GMPR: variants seen among roughly 807,000 people sequenced by gnomAD.
The protein encoded by GMPR is guanosine monophosphate reductase.
A neutral mutation model predicts 38.4 loss-of-function variants in GMPR; 31 were observed. The ratio of observed to expected loss-of-function variants is 0.81; its 90% confidence interval spans 0.61 to 1.09. The LOEUF (loss-of-function observed/expected upper bound fraction) is 1.09, where lower values mean the gene tolerates loss of function less well. Ranked by LOEUF, GMPR falls within the 50% of genes least tolerant of loss-of-function variation. The pLI is 0.00. For missense variants in GMPR, 468 were observed against 453.7 expected, an observed-to-expected ratio of 1.03 and a Z score of -0.29; for synonymous variants, 162 against 173.3, an observed-to-expected ratio of 0.93 and a Z score of 0.51.
At chr6:16,249,006 G>T (rs1758812131) in intron 2 of GMPR, among the ~76,000 whole-genome samples, 1 of 152,118 alleles carries the variant, frequency 6.6e-6, no homozygotes, top group Non-Finnish European at 1.5e-5. Context: ...TAAAGTCATA[G>T]AAGTTTAGAA....
At chr6:16,278,217 G>T (rs1018091547) in intron 5 of GMPR, among the ~76,000 whole-genome samples, 3 of 152,128 alleles carry the variant, frequency 2.0e-5, no homozygotes, top group Non-Finnish European at 2.9e-5. Flanking sequence ...GGAGGGTGTC[G>T]TGCTGCAGGC....
chr6:16,288,188 C>T (rs1759728252), intron 7 of GMPR, among the ~76,000 whole-genome samples: 1 of 152,282 alleles, frequency 6.6e-6, no homozygotes, highest in Non-Finnish European at 1.5e-5. Context: ...TCTCTGCACT[C>T]TGGGAGCCCC....
At chr6:16,289,199 C>A (rs1195144862) in intron 7 of GMPR, among the ~76,000 whole-genome samples, 1 of 152,170 alleles carries the variant, frequency 6.6e-6, no homozygotes, top group Non-Finnish European at 1.5e-5. Flanking sequence ...CAGACCCCAA[C>A]CCCACCAGAA....
At chr6:16,238,937 G>A (rs565232840) in intron 1 of GMPR, among the ~76,000 whole-genome samples, 157 bp downstream of exon 1, 50 of 152,274 alleles carry the variant, frequency 3.3e-4, no homozygotes, top group African/African-American at 1.2e-3. Context: ...CACCTGCCAG[G>A]ACGTGAGGTG....
intron 4 of GMPR, among the ~76,000 whole-genome samples, chr6:16,269,460 T>C (rs1759338986): frequency 6.6e-6 from 1 of 152,172 alleles, no homozygotes; most frequent in Non-Finnish European, 1.5e-5. Context: ...CTGTTCAGGC[T>C]GCAATAACAA....
intron 1 of GMPR, among the ~76,000 whole-genome samples, chr6:16,245,612 AT>A (rs1427679785): frequency 1.3e-5 from 2 of 152,208 alleles, no homozygotes; most frequent in African/African-American, 2.4e-5. Context: ...GTTTGTGTCT[AT>A]CGGAGTCCAG....
At chr6:16,246,713 AC>A (rs1758762872) in intron 1 of GMPR, 128 bp from the exon 2 acceptor site, 3 of 831,574 alleles carry the variant, frequency 3.6e-6, no homozygotes, top group African/African-American at 3.4e-5. Flanking sequence ...CCTGTCTTTG[AC>A]CCCTAAGAGA....
At chr6:16,243,780 T>C (rs1409973227) in intron 1 of GMPR, among the ~76,000 whole-genome samples, 1 of 152,178 alleles carries the variant, frequency 6.6e-6, no homozygotes, top group Non-Finnish European at 1.5e-5. Flanking sequence ...ACGCTCCAAG[T>C]ACTCAGGATC....
chr6:16,264,382 C>T (rs1021035624), intron 4 of GMPR: 11 of 251,680 alleles, frequency 4.4e-5, no homozygotes, highest in East Asian at 1.6e-4. Context: ...CTGGTCGGTC[C>T]GAGGACCTGA....
chr6:16,275,437 A>G (rs1038840339), intron 5 of GMPR, among the ~76,000 whole-genome samples: 1 of 152,190 alleles, frequency 6.6e-6, no homozygotes, highest in African/African-American at 2.4e-5. Context: ...ATGTGTATGA[A>G]GAGAATATTA....
At chr6:16,293,881 C>G (rs535756079) in intron 8 of GMPR, among the ~76,000 whole-genome samples, 15 of 152,266 alleles carry the variant, frequency 9.9e-5, no homozygotes, top group Non-Finnish European at 4.4e-5. Context: ...CTTGCATGGC[C>G]CTTAGATGAG....
chr6:16,248,769 C>G (rs1450260259), intron 2 of GMPR, among the ~76,000 whole-genome samples: 1 of 152,140 alleles, frequency 6.6e-6, no homozygotes, highest in African/African-American at 2.4e-5. Flanking sequence ...GCCATTGCTA[C>G]TAATGAATTA....
At chr6:16,260,266 G>C (rs1228341469) in intron 4 of GMPR, among the ~76,000 whole-genome samples, 1 of 151,970 alleles carries the variant, frequency 6.6e-6, no homozygotes, top group Non-Finnish European at 1.5e-5. Context: ...AGGTTTCACT[G>C]AATACTAAGA....
At chr6:16,288,735 G>C (rs533927323) in intron 7 of GMPR, among the ~76,000 whole-genome samples, 359 of 152,354 alleles carry the variant, frequency 2.4e-3, no homozygotes, top group African/African-American at 8.1e-3. Context: ...TGGTGGGGAC[G>C]TGGAGAACCT....
At chr6:16,270,765 C>G (rs1273018561) in intron 4 of GMPR, among the ~76,000 whole-genome samples, 6 of 152,186 alleles carry the variant, frequency 3.9e-5, no homozygotes, top group Admixed American at 3.9e-4. Context: ...TGGGTTTTTC[C>G]AGACAGTAGC....
chr6:16,265,997 A>G (rs960251656), intron 4 of GMPR, among the ~76,000 whole-genome samples: 25 of 152,170 alleles, frequency 1.6e-4, no homozygotes, highest in African/African-American at 6.0e-4. Flanking sequence ...TAAGAGCTGT[A>G]ACACTCACCG....
intron 4 of GMPR, among the ~76,000 whole-genome samples, chr6:16,266,848 C>T (rs1290201090): frequency 1.3e-5 from 2 of 151,660 alleles, no homozygotes; most frequent in East Asian, 2.0e-4. Flanking sequence ...TGGCTTCACT[C>T]CTGAAGTCAG....
intron 4 of GMPR, among the ~76,000 whole-genome samples, chr6:16,259,657 T>C (rs940411281): frequency 1.3e-5 from 2 of 151,950 alleles, no homozygotes; most frequent in Non-Finnish European, 2.9e-5. Context: ...ATTTGTCATT[T>C]AGAATTATTG....
In GMPR at chr6:16,238,648, C is replaced by CCCCCG. The variant is rs1042353950; in HGVS notation, c.-38_-34dup. 1.1e-6 allele frequency: 1 copy of CCCCCG among 946,374 alleles called. No individual in the cohort carries two copies. Among genetic ancestry groups the CCCCCG allele is most frequent in the Non-Finnish European group, 1.4e-6 (1 of 730,050 alleles). 58.6% of individuals were successfully genotyped at this position (946,374 alleles called of 1,614,324 possible). ...CTCCCCGCGCCGCCCCGCGCAGGCG[C>CCCCCG]CCCCGCCCCGCCGTCGCCGCCGCCG... On this transcript the variant is annotated 5_prime_UTR_variant, in exon 1 of 9. Coordinates refer to ENST00000259727, the MANE Select transcript of GMPR (RefSeq NM_006877.4).
Sources: allele counts gnomAD v4.1 joint callset (sites outside exome capture counted in the v4.1 genomes callset), GRCh38; gene constraint gnomAD v4.1.1; transcripts MANE v1.5; gene names NCBI Gene and HGNC (gene_info 2026-07-23, HGNC 2026-07-21).